STX8: variants seen among roughly 807,000 people sequenced by gnomAD.
STX8 encodes the protein syntaxin-8.
In STX8, 23 loss-of-function variants were observed where a neutral mutation model predicts 37.5. That is an observed-to-expected ratio of 0.61 (90% CI 0.44 to 0.87). The LOEUF (loss-of-function observed/expected upper bound fraction) is 0.87, where lower values mean the gene tolerates loss of function less well. Among genes scored for constraint, STX8 ranks in the 40% least tolerant of loss-of-function variants. The pLI is 0.00. For synonymous variants in STX8, 115 were observed against 99.1 expected (o/e 1.16, Z -0.95); for missense variants, 313 against 284.7 (o/e 1.10, Z -0.71).
At position 9,411,710 on chromosome 17, in the gene STX8, G is replaced by A. The variant is rs149817778; in HGVS notation, c.542-33057C>T. On this transcript the variant is annotated intron_variant, in intron 6 of 7. Coordinates refer to ENST00000306357, the MANE Select transcript of STX8 (RefSeq NM_004853.3). ...GGAGGGAGAATTTTAAGCCAAAATC[G>A]TAATTCAAGCCAATAATCTGCAAAC... Among the ~76,000 whole-genome samples the A allele has an allele frequency of 3.7e-3, 569 of 152,260 alleles. 6 individuals are homozygous for A. Among genetic ancestry groups the A allele is most frequent in the African/African-American group, 0.013 (544 of 41,540 alleles).
chr17:9,332,113 C>T (rs538284959), intron 7 of STX8, among the ~76,000 whole-genome samples: 1 of 152,318 alleles, frequency 6.6e-6, no homozygotes, highest in East Asian at 1.9e-4. Flanking sequence ...TTCTTCAGTC[C>T]TGACTGCTGG....
At chr17:9,494,108 C>G (rs1411498713) in intron 5 of STX8, among the ~76,000 whole-genome samples, 1 of 151,608 alleles carries the variant, frequency 6.6e-6, no homozygotes, top group Admixed American at 6.6e-5. Flanking sequence ...CTCCACCTCC[C>G]GGGTTCACGC....
intron 4 of STX8, among the ~76,000 whole-genome samples, chr17:9,535,424 C>CCTTTTTTTTTTTT (rs1905992804): frequency 1.1e-3 from 59 of 51,558 alleles, no homozygotes; most frequent in African/African-American, 4.1e-3. Flanking sequence ...AGCCATCCTA[C>CCTTTTTTTTTTTT]TTTTTTTTTT....
intron 1 of STX8, among the ~76,000 whole-genome samples, chr17:9,573,241 C>G (rs1907754770): frequency 6.6e-6 from 1 of 152,064 alleles, no homozygotes; most frequent in Non-Finnish European, 1.5e-5. Flanking sequence ...GAAAAGCCAA[C>G]CAGCATTAAC....
chr17:9,277,338 A>G (rs1419496869), intron 7 of STX8, among the ~76,000 whole-genome samples: 1 of 151,904 alleles, frequency 6.6e-6, no homozygotes, highest in Non-Finnish European at 1.5e-5. Flanking sequence ...GAGAAGGGAT[A>G]GCTGGAAATG....
intron 7 of STX8, among the ~76,000 whole-genome samples, chr17:9,343,018 CAAAAA>C (rs4063994): frequency 0.01 from 1,115 of 110,586 alleles, 27 homozygotes; most frequent in African/African-American, 0.038. Flanking sequence ...GAAACTGTCT[CAAAAA>C]AAAAAAAAAA....
rs748744567 is a variant in STX8 at position 9,575,791 on chromosome 17, C to A, written c.17+1G>T. On this transcript the variant is annotated splice_donor_variant, in intron 1 of 7. Coordinates refer to ENST00000306357, the MANE Select transcript of STX8 (RefSeq NM_004853.3). LOFTEE classifies it high-confidence loss of function. ...CACCGCCGCCCTCACCCGGGACTCA[C>A]CAGGGGTCCGGTGCCATCCTGCAGA... The A allele has an allele frequency of 4.0e-5, 62 of 1,544,200 alleles. No homozygotes were observed. The highest frequency in any genetic ancestry group is 5.2e-5 in the Non-Finnish European group (60 of 1,146,558).
At chr17:9,287,083 G>C (rs1377573509) in intron 7 of STX8, among the ~76,000 whole-genome samples, 1 of 152,150 alleles carries the variant, frequency 6.6e-6, no homozygotes, top group East Asian at 1.9e-4. Context: ...TCTACTAGTG[G>C]GGAATGGTAT....
At chr17:9,299,279 G>GGAAT in intron 7 of STX8, among the ~76,000 whole-genome samples, 1 of 152,094 alleles carries the variant, frequency 6.6e-6, no homozygotes, top group Middle Eastern at 3.4e-3. Flanking sequence ...TGCAAATGTG[G>GGAAT]TCACATGGTT....
chr17:9,535,130 ACAGAAGTAC>A (rs1905976094), intron 4 of STX8, among the ~76,000 whole-genome samples: 1 of 152,182 alleles, frequency 6.6e-6, no homozygotes, highest in Admixed American at 6.5e-5. Flanking sequence ...TTATAAAACC[ACAGAAGTAC>A]CAGAAAAAAG....
rs551803992 is a variant in STX8, at chr17:9,525,246, AAGC to A, written c.323+19923_323+19925del. The stretch of plus-strand genomic sequence containing the variant: ...GGTATAGAAACTACCACCCTTGAAA[AAGC>A]AGGATTCAAGAAAGTACGCAAGACA... On this transcript the variant is annotated intron_variant, in intron 4 of 7. Coordinates refer to ENST00000306357, the MANE Select transcript of STX8 (RefSeq NM_004853.3). Among the ~76,000 whole-genome samples the A allele has an allele frequency of 1.3e-4, 20 of 151,452 alleles. No homozygotes were observed. In the South Asian group the frequency reaches 3.3e-3, roughly 25 times the overall value.
At chr17:9,290,469 C>T (rs72814162) in intron 7 of STX8, among the ~76,000 whole-genome samples, 4 of 152,006 alleles carry the variant, frequency 2.6e-5, no homozygotes, top group African/African-American at 4.8e-5. Flanking sequence ...CACGTGTGCG[C>T]GTATACGCAC....
intron 7 of STX8, among the ~76,000 whole-genome samples, chr17:9,290,312 C>T (rs1908269789): frequency 9.1e-6 from 1 of 109,338 alleles, no homozygotes; most frequent in Non-Finnish European, 2.0e-5. Context: ...CAAATGCATG[C>T]CACTGTGTGT....
intron 7 of STX8, among the ~76,000 whole-genome samples, chr17:9,335,847 A>ACACACACT (rs372620603): frequency 4.6e-5 from 7 of 150,758 alleles, no homozygotes; most frequent in East Asian, 3.9e-4. Flanking sequence ...ACACACACAC[A>ACACACACT]CTCACACTCA....
intron 7 of STX8, among the ~76,000 whole-genome samples, chr17:9,304,025 T>C (rs1338222754): frequency 2.0e-5 from 3 of 149,922 alleles, no homozygotes; most frequent in African/African-American, 7.4e-5. Context: ...AGGAAAAAAA[T>C]ATTTGAAATT....
chr17:9,353,763 TTACTGAA>T (rs1318745804), intron 7 of STX8, among the ~76,000 whole-genome samples: 2 of 152,224 alleles, frequency 1.3e-5, no homozygotes, highest in Non-Finnish European at 2.9e-5. Flanking sequence ...ACATTCTTCT[TTACTGAA>T]TACATTCTCT....
intron 4 of STX8, 48 bp downstream of exon 4, chr17:9,545,124 A>AGTACT (rs1188072496): frequency 1.9e-5 from 25 of 1,297,154 alleles, no homozygotes; most frequent in Admixed American, 3.5e-5. Context: ...AGTATCTGCA[A>AGTACT]AGAAGTCTTC....
At chr17:9,353,669 T>G (rs770524910) in intron 7 of STX8, among the ~76,000 whole-genome samples, 2 of 152,214 alleles carry the variant, frequency 1.3e-5, no homozygotes, top group Non-Finnish European at 2.9e-5. Context: ...ACAATAAATC[T>G]ACTTAGTAGA....
chr17:9,504,018 C>A (rs1045201735), intron 5 of STX8, among the ~76,000 whole-genome samples: 1 of 152,192 alleles, frequency 6.6e-6, no homozygotes, highest in African/African-American at 2.4e-5. Context: ...CCTGCCTCAG[C>A]CTCCCAAAGT....
Sources: allele counts gnomAD v4.1 joint callset (sites outside exome capture counted in the v4.1 genomes callset), GRCh38; gene constraint gnomAD v4.1.1; transcripts MANE v1.5; gene names NCBI Gene and HGNC (gene_info 2026-07-23, HGNC 2026-07-21).